Variants in CADM2 observed in about 807,000 individuals in gnomAD.
The protein encoded by CADM2 is cell adhesion molecule 2, also known as immunoglobulin superfamily member 4D.
A neutral mutation model predicts 49.8 loss-of-function variants in CADM2; 12 were observed. The observed-to-expected ratio is 0.24, with a 90% CI of 0.15 to 0.39. The LOEUF (loss-of-function observed/expected upper bound fraction) is 0.39. CADM2 is among the 10% of genes least tolerant of loss of function. The pLI is 1.00. For missense variants in CADM2, 378 were observed against 492.3 expected, an observed-to-expected ratio of 0.77 and a Z score of 2.20; for synonymous variants, 214 against 175.4, an observed-to-expected ratio of 1.22 and a Z score of -1.74.
At chr3:85,648,789 T>C (rs2064963099) in intron 1 of CADM2, among the ~76,000 whole-genome samples, 2 of 152,058 alleles carry the variant, frequency 1.3e-5, no homozygotes, top group South Asian at 4.1e-4. Flanking sequence ...TTTGGATGCA[T>C]TTTTGAATTT....
chr3:84,970,048 T>G (rs924450929), intron 1 of CADM2, among the ~76,000 whole-genome samples: 2 of 146,220 alleles, frequency 1.4e-5, no homozygotes, highest in Non-Finnish European at 3.0e-5. Context: ...GACCTGCTTT[T>G]TTTTTTTTTT....
chr3:85,734,020 A>G (rs1416945264), intron 2 of CADM2, among the ~76,000 whole-genome samples: 1 of 152,154 alleles, frequency 6.6e-6, no homozygotes, highest in East Asian at 1.9e-4. Flanking sequence ...AGTTAGTGGG[A>G]CATTTTTAAA....
intron 1 of CADM2, among the ~76,000 whole-genome samples, chr3:85,599,271 A>G (rs2063331398): frequency 6.6e-6 from 1 of 151,902 alleles, no homozygotes; most frequent in South Asian, 2.1e-4. Context: ...GTTAGCAATT[A>G]CTCAGCCTGA....
intron 1 of CADM2, among the ~76,000 whole-genome samples, chr3:85,530,322 GTTTTTTTTTTT>G (rs57504567): frequency 3.0e-3 from 93 of 31,284 alleles, no homozygotes; most frequent in Admixed American, 6.7e-3. Flanking sequence ...TCTTTTCTCC[GTTTTTTTTTTT>G]TTTTTTTTTT....
In CADM2 at chr3:85,156,191, T is replaced by A. The variant is rs1576001274; in HGVS notation, c.61+196523T>A. ...AAAATTAATGAATCCAGGAGCTGGT[T>A]TTTTGAAAGGATCAACAAAATTGAT... On this transcript the variant is annotated intron_variant, in intron 1 of 9. Coordinates refer to ENST00000383699, the MANE Select transcript of CADM2 (RefSeq NM_001167675.2). Among the ~76,000 whole-genome samples the A allele has an allele frequency of 2.6e-5, 4 of 152,080 alleles. No homozygotes were observed. In the East Asian group the frequency reaches 7.7e-4, roughly 29 times the overall value.
intron 1 of CADM2, among the ~76,000 whole-genome samples, chr3:85,509,450 T>C (rs574784606): frequency 5.9e-5 from 9 of 152,130 alleles, no homozygotes; most frequent in Non-Finnish European, 1.2e-4. Context: ...GAAATTGATA[T>C]ACTATTTAGC....
intron 1 of CADM2, among the ~76,000 whole-genome samples, chr3:85,152,954 A>C (rs1349488669): frequency 1.4e-5 from 2 of 145,736 alleles, no homozygotes; most frequent in African/African-American, 2.6e-5. Flanking sequence ...ACAGAGCAAG[A>C]CTCCATCTCA....
chr3:85,086,199 C>T (rs754361074), intron 1 of CADM2, among the ~76,000 whole-genome samples: 2 of 151,938 alleles, frequency 1.3e-5, no homozygotes, highest in Non-Finnish European at 2.9e-5. Context: ...CAAGAATAGG[C>T]GTTCTATCTC....
intron 4 of CADM2, among the ~76,000 whole-genome samples, chr3:85,884,726 C>CTT (rs954806418): frequency 4.3e-5 from 6 of 138,328 alleles, no homozygotes; most frequent in African/African-American, 7.9e-5. Context: ...TATTCTTCTT[C>CTT]TTTTTTTTTT....
At chr3:85,341,409 A>C (rs1206534206) in intron 1 of CADM2, among the ~76,000 whole-genome samples, 1 of 151,948 alleles carries the variant, frequency 6.6e-6, no homozygotes, top group South Asian at 2.1e-4. Context: ...ATGGTAAACT[A>C]AAAATGGTTA....
intron 1 of CADM2, among the ~76,000 whole-genome samples, chr3:85,185,882 G>C (rs999716190): frequency 6.6e-6 from 1 of 152,134 alleles, no homozygotes. Context: ...ATAAATATTT[G>C]TTGAATTGAA....
chr3:86,008,550 T>C (rs937619938), intron 8 of CADM2, among the ~76,000 whole-genome samples: 8 of 152,068 alleles, frequency 5.3e-5, no homozygotes, highest in African/African-American at 1.9e-4. Context: ...GCTGAGATGA[T>C]GTAGAGGAAG....
At chr3:85,849,987 A>G (rs1559699539) in intron 3 of CADM2, among the ~76,000 whole-genome samples, 1 of 152,336 alleles carries the variant, frequency 6.6e-6, no homozygotes, top group East Asian at 1.9e-4. Flanking sequence ...ACCGTAAAGA[A>G]CTGTTAAGAA....
At chr3:85,638,282 A>G (rs1053639310) in intron 1 of CADM2, among the ~76,000 whole-genome samples, 2 of 152,188 alleles carry the variant, frequency 1.3e-5, no homozygotes, top group Admixed American at 1.3e-4. Flanking sequence ...AGAGTTTTAT[A>G]TTATGAATAA....
At chr3:85,304,434 C>A (rs934250351) in intron 1 of CADM2, among the ~76,000 whole-genome samples, 1 of 151,634 alleles carries the variant, frequency 6.6e-6, no homozygotes, top group Non-Finnish European at 1.5e-5. Context: ...AATTAAATGA[C>A]CTTTAAAACA....
At chr3:85,299,506 A>G (rs1236296083) in intron 1 of CADM2, among the ~76,000 whole-genome samples, 1 of 152,066 alleles carries the variant, frequency 6.6e-6, no homozygotes, top group Non-Finnish European at 1.5e-5. Flanking sequence ...AAGAAAATAG[A>G]TCTAAGGCAG....
intron 1 of CADM2, among the ~76,000 whole-genome samples, chr3:85,718,078 G>A (rs1362901321): frequency 1.3e-5 from 2 of 152,066 alleles, no homozygotes; most frequent in African/African-American, 4.8e-5. Context: ...CCAGAAGTTA[G>A]TTTTTTAAGG....
intron 1 of CADM2, among the ~76,000 whole-genome samples, chr3:85,364,451 A>G (rs2032595956): frequency 6.6e-6 from 1 of 152,314 alleles, no homozygotes; most frequent in African/African-American, 2.4e-5. Flanking sequence ...GGGAAACACT[A>G]TAGATATCCA....
intron 3 of CADM2, among the ~76,000 whole-genome samples, chr3:85,868,749 A>G (rs1238797713): frequency 2.0e-5 from 3 of 151,986 alleles, no homozygotes; most frequent in African/African-American, 7.2e-5. Flanking sequence ...TTTGTGTGTA[A>G]TCTTTCCCTT....
Sources: gnomAD v4.1 joint callset for allele counts (sites outside exome capture counted in the v4.1 genomes callset) on GRCh38, gnomAD v4.1.1 for gene constraint, MANE v1.5 for transcripts, NCBI Gene and HGNC (gene_info 2026-07-23, HGNC 2026-07-21) for gene names.